Variants in ANK2 observed in about 807,000 individuals in gnomAD.
The protein encoded by ANK2 is ankyrin 2.
In ANK2, 83 loss-of-function variants were observed where a neutral mutation model predicts 360.5. The ratio of observed to expected loss-of-function variants is 0.23; its 90% CI spans 0.19 to 0.28. ANK2 has a LOEUF of 0.28. Among genes scored for constraint, ANK2 ranks in the 10% least tolerant of loss-of-function variants. The pLI, the probability that ANK2 is intolerant of heterozygous loss-of-function variation, is 1.00. For synonymous variants in ANK2, 1,740 were observed against 1,759.5 expected, an observed-to-expected ratio of 0.99 and a Z score of 0.28; for missense variants, 4,201 against 4,795.7, an observed-to-expected ratio of 0.88 and a Z score of 3.66.
In ANK2 at chr4:113,128,101, A is replaced by G. The variant is rs2095782187; in HGVS notation, c.85-46315A>G. Among the ~76,000 whole-genome samples the G allele has an allele frequency of 2.0e-5, 3 of 152,320 alleles. No individual in the cohort carries two copies. In the South Asian group the frequency reaches 6.2e-4, roughly 32 times the overall value. ...TGGTGGCAGGATGATGTTTATTTTC[A>G]TTAATTGCAGAGACTTTATATGTAA... On this transcript the variant is annotated intron_variant, in intron 1 of 45. Transcript: ENST00000357077.
chr4:112,990,728 C>G lies in ANK2; in HGVS notation c.21+86214C>G, dbSNP rs1478949742. On this transcript the variant is annotated intron_variant, in intron 2 of 30. Transcript: ENST00000503271. ...TACCTTTATCACAGGACAGAATATG[C>G]TCAGAGCACCAGGATTCTCCTTTTC... Among the ~76,000 whole-genome samples the G allele has an allele frequency of 2.0e-5, 3 of 152,158 alleles. 1 individual carries two copies. The highest frequency in any genetic ancestry group is 4.8e-5 in the African/African-American group (2 of 41,418).
chr4:112,802,397 G>A, the ANK2 span, among the ~76,000 whole-genome samples: 2 of 152,108 alleles, frequency 1.3e-5, no homozygotes, highest in Non-Finnish European at 1.5e-5. Flanking sequence ...GAGCATAACC[G>A]GCTGAGGGTG....
intron 1 of ANK2, among the ~76,000 whole-genome samples, chr4:113,161,771 C>T (rs2097545040): frequency 6.6e-6 from 1 of 151,484 alleles, no homozygotes; most frequent in Non-Finnish European, 1.5e-5. Context: ...TTATTTTATT[C>T]TCACTGCCTG....
At chr4:113,133,922 A>G (rs1358803069) in intron 1 of ANK2, among the ~76,000 whole-genome samples, 1 of 152,182 alleles carries the variant, frequency 6.6e-6, no homozygotes, top group East Asian at 1.9e-4. Flanking sequence ...TATATCACCA[A>G]GTTACACAAA....
intron 34 of ANK2, among the ~76,000 whole-genome samples, chr4:113,345,383 G>A (rs2094727823): frequency 6.6e-6 from 1 of 152,128 alleles, no homozygotes; most frequent in South Asian, 2.1e-4. Flanking sequence ...CTTTGTGAAT[G>A]TGCTTAATGC....
chr4:112,811,793 C>T, the ANK2 span, among the ~76,000 whole-genome samples: 4 of 151,980 alleles, frequency 2.6e-5, no homozygotes, highest in Non-Finnish European at 5.9e-5. Context: ...ATGTGTTACT[C>T]CGGCCGGGCG....
At chr4:113,160,132 A>G (rs2097464588) in intron 1 of ANK2, among the ~76,000 whole-genome samples, 1 of 152,192 alleles carries the variant, frequency 6.6e-6, no homozygotes, top group Non-Finnish European at 1.5e-5. Flanking sequence ...CAGCTGTATG[A>G]TAGTAATGAT....
chr4:112,783,348 T>C, the ANK2 span, among the ~76,000 whole-genome samples: 1 of 152,196 alleles, frequency 6.6e-6, no homozygotes, highest in Non-Finnish European at 1.5e-5. Context: ...GGCTGGAACA[T>C]GAGATTGGTG....
intron 17 of ANK2, among the ~76,000 whole-genome samples, chr4:113,282,309 A>C (rs2062726410): frequency 6.6e-6 from 1 of 152,230 alleles, no homozygotes; most frequent in African/African-American, 2.4e-5. Flanking sequence ...ATTAACCTGG[A>C]AAACAGAAAA....
intron 1 of ANK2, among the ~76,000 whole-genome samples, chr4:112,894,445 A>T (rs2081140856): frequency 1.3e-5 from 2 of 152,072 alleles, no homozygotes; most frequent in Non-Finnish European, 2.9e-5. Flanking sequence ...TAATTTGAAA[A>T]CTTTCAAACT....
intron 18 of ANK2, among the ~76,000 whole-genome samples, chr4:113,287,292 A>G (rs1340316326): frequency 6.6e-6 from 1 of 152,212 alleles, no homozygotes; most frequent in Non-Finnish European, 1.5e-5. Flanking sequence ...ATCCAGATGG[A>G]TTTGAAATAC....
chr4:113,072,156 C>G (rs2077820964), intron 1 of ANK2, among the ~76,000 whole-genome samples: 1 of 152,210 alleles, frequency 6.6e-6, no homozygotes, highest in South Asian at 2.1e-4. Flanking sequence ...AAACTCAGCC[C>G]TCCACTGTCT....
intron 2 of ANK2, among the ~76,000 whole-genome samples, chr4:112,967,881 A>T (rs2037941591): frequency 6.6e-6 from 1 of 152,210 alleles, no homozygotes; most frequent in Non-Finnish European, 1.5e-5. Flanking sequence ...GCCTGTGAAT[A>T]TATCAAGGAA....
chr4:113,080,210 T>A (rs1268868678), intron 1 of ANK2, among the ~76,000 whole-genome samples: 1 of 152,154 alleles, frequency 6.6e-6, no homozygotes, highest in Non-Finnish European at 1.5e-5. Flanking sequence ...ACCCTGACTT[T>A]CTTAATGCCT....
intron 9 of ANK2, 50 bp from the exon 10 acceptor site, chr4:113,249,714 T>A (rs1323681530): frequency 1.3e-6 from 2 of 1,564,012 alleles, no homozygotes; most frequent in Non-Finnish European, 1.8e-6. Context: ...AGATGAAATA[T>A]AGATTTTTTT....
the ANK2 span, among the ~76,000 whole-genome samples, chr4:112,796,411 G>A: frequency 1.3e-5 from 2 of 151,494 alleles, no homozygotes; most frequent in African/African-American, 4.9e-5. Flanking sequence ...CAACATGAGC[G>A]AAACTCCGTC....
chr4:113,268,617 A>G (rs2057219088), intron 14 of ANK2, among the ~76,000 whole-genome samples: 2 of 152,192 alleles, frequency 1.3e-5, no homozygotes, highest in Non-Finnish European at 1.5e-5. Context: ...CGTGGTGGAT[A>G]AGCTTTTTGA....
chr4:112,763,470 G>C, the ANK2 span, among the ~76,000 whole-genome samples: 1 of 151,434 alleles, frequency 6.6e-6, no homozygotes, highest in Admixed American at 6.6e-5. Flanking sequence ...CTGACCTCGT[G>C]ATCTGCCTGC....
At chr4:113,101,109 C>T (rs2092757818) in intron 1 of ANK2, among the ~76,000 whole-genome samples, 1 of 151,946 alleles carries the variant, frequency 6.6e-6, no homozygotes, top group Non-Finnish European at 1.5e-5. Flanking sequence ...AACTGTACAA[C>T]ATAAAAAGTA....
Sources: gnomAD v4.1 joint callset for allele counts (sites outside exome capture counted in the v4.1 genomes callset) on GRCh38, gnomAD v4.1.1 for gene constraint, MANE v1.5 for transcripts, NCBI Gene and HGNC (gene_info 2026-07-23, HGNC 2026-07-21) for gene names.